The following FSTL4 variants were observed in gnomAD, a reference collection of about 807,000 sequenced individuals.
FSTL4 encodes follistatin like 4.
In FSTL4, 28 loss-of-function variants were observed where a neutral mutation model predicts 78.2. The observed-to-expected ratio is 0.36, with a 90% CI of 0.27 to 0.49. FSTL4 has a LOEUF of 0.49. Among genes scored for constraint, FSTL4 ranks in the 20% least tolerant of loss-of-function variants. The pLI is 0.98. For missense variants in FSTL4, 922 were observed against 1,084.9 expected (o/e 0.85, Z 2.11); for synonymous variants, 422 against 440.5 (o/e 0.96, Z 0.53).
intron 3 of FSTL4, among the ~76,000 whole-genome samples, chr5:133,475,215 C>T (rs189537341): frequency 1.6e-4 from 25 of 152,308 alleles, no homozygotes; most frequent in South Asian, 4.2e-4. Flanking sequence ...TGACAAAAAC[C>T]GCATCAATTT....
chr5:133,254,787 C>A (rs539246005), intron 6 of FSTL4, among the ~76,000 whole-genome samples: 30 of 152,324 alleles, frequency 2.0e-4, no homozygotes, highest in South Asian at 4.1e-4. Context: ...CCCAACTAAG[C>A]AAACCCCATC....
intron 2 of FSTL4, among the ~76,000 whole-genome samples, chr5:133,569,541 C>T (rs943447210): frequency 3.3e-5 from 5 of 152,090 alleles, no homozygotes; most frequent in East Asian, 1.9e-4. Flanking sequence ...GTTGGGATGG[C>T]GCCAGTATCT....
Position 133,198,218 on chromosome 5 carries a change from T to C in FSTL4, c.*877A>G, listed in dbSNP as rs910380420. ...CTAATGAGATGTCTCCCTTCTGTGC[T>C]GAAAGGAGGCACACAGAACTTGTTC... On this transcript the variant is annotated 3_prime_UTR_variant, in exon 16 of 16. Transcript: ENST00000265342. 1 of 152,618 alleles carries C rather than the reference T, an allele frequency of 6.6e-6. No homozygotes were observed. The highest frequency in any genetic ancestry group is 2.4e-5 in the African/African-American group (1 of 41,440). 9.5% of individuals were successfully genotyped at this position (152,618 alleles called of 1,614,324 possible).
chr5:133,422,898 T>C (rs1165010175), intron 3 of FSTL4, among the ~76,000 whole-genome samples: 1 of 152,274 alleles, frequency 6.6e-6, no homozygotes, highest in East Asian at 1.9e-4. Flanking sequence ...TCATTTTTCC[T>C]TTATGGCTGC....
chr5:133,235,912 T>A (rs958306026), intron 7 of FSTL4, among the ~76,000 whole-genome samples: 2 of 152,264 alleles, frequency 1.3e-5, no homozygotes, highest in East Asian at 3.9e-4. Context: ...GTGTCAAAAC[T>A]TAAGTCTGGA....
chr5:133,681,482 T>A, the FSTL4 span, among the ~76,000 whole-genome samples: 1 of 152,146 alleles, frequency 6.6e-6, no homozygotes, highest in Non-Finnish European at 1.5e-5. Flanking sequence ...CTAGATACGT[T>A]AATATATTCT....
intron 2 of FSTL4, among the ~76,000 whole-genome samples, chr5:133,576,147 C>T (rs1047414938): frequency 2.6e-5 from 4 of 152,144 alleles, no homozygotes; most frequent in Admixed American, 6.5e-5. Flanking sequence ...ATCCAAAAGC[C>T]GATTACAGTT....
intron 6 of FSTL4, among the ~76,000 whole-genome samples, chr5:133,283,914 T>A (rs1753067986): frequency 1.3e-5 from 2 of 152,126 alleles, no homozygotes; most frequent in South Asian, 4.2e-4. Context: ...CATGTCTTAA[T>A]ATGGCAGAGC....
At chr5:133,699,470 G>A in the FSTL4 span, among the ~76,000 whole-genome samples, 2 of 151,778 alleles carry the variant, frequency 1.3e-5, no homozygotes, top group Non-Finnish European at 1.5e-5. Context: ...ACTGCTCTAC[G>A]AGGTTGGTGT....
the FSTL4 span, among the ~76,000 whole-genome samples, chr5:133,781,714 AC>A: frequency 1.3e-5 from 2 of 151,816 alleles, no homozygotes; most frequent in Admixed American, 6.6e-5. Flanking sequence ...ACACATGTGC[AC>A]CCCCGCCCCC....
intron 3 of FSTL4, among the ~76,000 whole-genome samples, chr5:133,417,574 A>G (rs1756600509): frequency 6.6e-6 from 1 of 152,224 alleles, no homozygotes; most frequent in South Asian, 2.1e-4. Flanking sequence ...AAGGCAAATT[A>G]TTATCTAACA....
At chr5:133,232,141 G>A (rs1751511839) in intron 8 of FSTL4, among the ~76,000 whole-genome samples, 1 of 152,206 alleles carries the variant, frequency 6.6e-6, no homozygotes, top group Non-Finnish European at 1.5e-5. Flanking sequence ...CAATGCAAGA[G>A]GTTTACCCAA....
At chr5:133,250,123 C>T (rs1042957228) in intron 6 of FSTL4, among the ~76,000 whole-genome samples, 1 of 152,256 alleles carries the variant, frequency 6.6e-6, no homozygotes, top group South Asian at 2.1e-4. Flanking sequence ...ATTTGGATTT[C>T]TGTCCTATGA....
At chr5:133,657,779 T>C in the FSTL4 span, among the ~76,000 whole-genome samples, 1 of 150,982 alleles carries the variant, frequency 6.6e-6, no homozygotes, top group South Asian at 2.1e-4. Flanking sequence ...TTTTTTGTTT[T>C]TTTTTTTTTT....
chr5:133,241,973 C>G (rs1323844327), intron 7 of FSTL4, among the ~76,000 whole-genome samples: 18 of 151,958 alleles, frequency 1.2e-4, no homozygotes, highest in Non-Finnish European at 5.9e-5. Context: ...TAGGAATTTC[C>G]TCCTGACACT....
intron 2 of FSTL4, among the ~76,000 whole-genome samples, chr5:133,594,822 G>C (rs1301001701): frequency 6.6e-6 from 1 of 152,224 alleles, no homozygotes; most frequent in Non-Finnish European, 1.5e-5. Flanking sequence ...TCTTTACTTA[G>C]AGAGCAAGCT....
chr5:133,217,402 A>T, intron 12 of FSTL4, 24 bp from the exon 13 acceptor site: 1 of 1,611,038 alleles, frequency 6.2e-7, no homozygotes, highest in Non-Finnish European at 8.5e-7. Flanking sequence ...AGGCTGTCAT[A>T]TATCTTCTTA....
the FSTL4 span, among the ~76,000 whole-genome samples, chr5:133,758,847 G>A: frequency 6.6e-6 from 1 of 152,226 alleles, no homozygotes; most frequent in African/African-American, 2.4e-5. Context: ...ATCTGAAGGT[G>A]TGGCTGGCTG....
the FSTL4 span, among the ~76,000 whole-genome samples, chr5:133,649,329 G>C: frequency 6.6e-6 from 1 of 152,180 alleles, no homozygotes; most frequent in East Asian, 1.9e-4. Flanking sequence ...AAATATCCAT[G>C]TGTAGGTTCT....
Sources: allele counts gnomAD v4.1 joint callset (sites outside exome capture counted in the v4.1 genomes callset), GRCh38; gene constraint gnomAD v4.1.1; transcripts MANE v1.5; gene names NCBI Gene and HGNC (gene_info 2026-07-23, HGNC 2026-07-21).